HDAC4: variants seen among roughly 807,000 people sequenced by gnomAD.
HDAC4 encodes histone deacetylase A.
A neutral mutation model predicts 135.1 loss-of-function variants in HDAC4; 16 were observed. That is an observed-to-expected ratio of 0.12 (90% CI 0.08 to 0.18). The LOEUF (loss-of-function observed/expected upper bound fraction) is 0.18. HDAC4 is among the 10% of genes least tolerant of loss of function. The pLI is 1.00. For synonymous variants in HDAC4, 685 were observed against 653.4 expected, an observed-to-expected ratio of 1.05 and a Z score of -0.74; for missense variants, 1,143 against 1,511.8, an observed-to-expected ratio of 0.76 and a Z score of 4.05.
At chr2:239,235,148 C>T (rs930185479) in intron 3 of HDAC4, among the ~76,000 whole-genome samples, 7 of 152,124 alleles carry the variant, frequency 4.6e-5, no homozygotes, top group African/African-American at 1.4e-4. Flanking sequence ...AGTAATAATG[C>T]AGAGTAAAAT....
intron 3 of HDAC4, among the ~76,000 whole-genome samples, chr2:239,221,043 G>A (rs2046921984): frequency 6.6e-6 from 1 of 152,172 alleles, no homozygotes; most frequent in Non-Finnish European, 1.5e-5. Context: ...TCATTCTGCG[G>A]GCGGTGGCGT....
chr2:239,076,243 C>G (rs959897103), intron 22 of HDAC4, among the ~76,000 whole-genome samples: 2 of 152,186 alleles, frequency 1.3e-5, no homozygotes, highest in African/African-American at 2.4e-5. Flanking sequence ...CCAGGGGGAA[C>G]AGAGCTGGAC....
Position 239,144,701 on chromosome 2 carries a change from A to G in HDAC4, c.747T>C (p.Asn249=), listed in dbSNP as rs746670558. ...GCTTTAGCCTGGACCGTAATTTCAG[A>G]TTCGGTTCAGAAGCTGCACAAAAAG... ...FPLRKTASEP[N]LKLRSRLKQK... Residue 249 remains asparagine (N), a synonymous_variant, in exon 8 of 27, where the codon AAT becomes AAC. Transcript: ENST00000543185. 1.9e-6 allele frequency: 3 copies of G among 1,614,042 alleles called. No individual in the cohort carries two copies. In the African/African-American group the frequency reaches 4.0e-5, roughly 22 times the overall value.
rs1317769977 is a variant in HDAC4, at chr2:239,180,584, C to CG, written c.340-4022_340-4021insC. Among the ~76,000 whole-genome samples, 6 of 152,334 alleles carry CG rather than the reference C, an allele frequency of 3.9e-5. No homozygotes were observed. The South Asian group carries it at 1.0e-3, about 26-fold the overall frequency. On this transcript the variant is annotated intron_variant, in intron 4 of 26. Transcript: ENST00000543185. ...CTGTGTAATTTTGTAAGGTAAAACT[C>CG]CTCATTCTTCCATTCTGTAAGTAAA...
Position 239,139,914 on chromosome 2 carries a change from G to A in HDAC4, c.866-118C>T. ...CCTGCTCGTTAGCTTGCGACAGGCA[G>A]AAGTCCCAACAAAAAGAACATGGCC... On this transcript the variant is annotated intron_variant, in intron 8 of 26. Coordinates refer to ENST00000543185, the MANE Select transcript of HDAC4 (RefSeq NM_001378414.1). The surrounding 1 kb of genome is among the most constrained non-coding windows in gnomAD (Gnocchi z 5.3). 1 of 726,570 alleles carries A rather than the reference G, an allele frequency of 1.4e-6. No individual in the cohort carries two copies. Among genetic ancestry groups the A allele is most frequent in the Non-Finnish European group, 2.4e-6 (1 of 416,094 alleles). 45.0% of individuals were successfully genotyped at this position (726,570 alleles called of 1,614,324 possible).
At chr2:239,261,707 C>T (rs1023263488) in intron 2 of HDAC4, among the ~76,000 whole-genome samples, 18 of 152,168 alleles carry the variant, frequency 1.2e-4, no homozygotes, top group Admixed American at 1.0e-3. Context: ...CCTAAGAGGG[C>T]CTGGTGAGAT....
At chr2:239,380,120 G>A (rs1575781968) in intron 1 of HDAC4, among the ~76,000 whole-genome samples, 1 of 152,228 alleles carries the variant, frequency 6.6e-6, no homozygotes, top group Non-Finnish European at 1.5e-5. Flanking sequence ...AGCCAAGAGG[G>A]CCCTCATGAG....
intron 12 of HDAC4, among the ~76,000 whole-genome samples, chr2:239,118,372 AGCG>A (rs1428742985): frequency 6.6e-6 from 1 of 152,198 alleles, no homozygotes; most frequent in East Asian, 1.9e-4. Flanking sequence ...GGGTGCAGGC[AGCG>A]TGGGTGTCGG....
chr2:239,259,276 C>T (rs2125069360), intron 2 of HDAC4, among the ~76,000 whole-genome samples: 1 of 152,280 alleles, frequency 6.6e-6, no homozygotes, highest in African/African-American at 2.4e-5. Context: ...AGGTGAAACC[C>T]TGTCTCTACC....
chr2:239,123,841 T>A lies in HDAC4; in HGVS notation c.1533+2615A>T, dbSNP rs1429188330. Among the ~76,000 whole-genome samples, 3 of 152,138 alleles carry A rather than the reference T, an allele frequency of 2.0e-5. No individual in the cohort carries two copies. The East Asian group carries it at 5.8e-4, about 29-fold the overall frequency. On this transcript the variant is annotated intron_variant, in intron 12 of 26. Transcript: ENST00000543185. ...GGCTTTACCTCTGCTCTTGCTGGGA[T>A]CCTGGTATTTCACTTTCCAACTCCT...
intron 1 of HDAC4, among the ~76,000 whole-genome samples, chr2:239,397,820 A>G (rs941567226): frequency 1.3e-5 from 2 of 151,460 alleles, no homozygotes; most frequent in Non-Finnish European, 3.0e-5. Flanking sequence ...TTGACATGGC[A>G]CCCCTCATCT....
chr2:239,091,742 G>A (rs898755217), intron 17 of HDAC4: 1 of 152,100 alleles, frequency 6.6e-6, no homozygotes, highest in Non-Finnish European at 1.5e-5. Context: ...AAGTGTATTC[G>A]GTGATGGTTT....
At chr2:239,110,168 A>G (rs1393684522) in intron 14 of HDAC4, among the ~76,000 whole-genome samples, 1 of 152,240 alleles carries the variant, frequency 6.6e-6, no homozygotes, top group Non-Finnish European at 1.5e-5. Context: ...ATAGATCTGG[A>G]AGGTTTAAAG....
At chr2:239,171,806 T>C (rs1465441021) in intron 5 of HDAC4, among the ~76,000 whole-genome samples, 1 of 152,222 alleles carries the variant, frequency 6.6e-6, no homozygotes, top group African/African-American at 2.4e-5. Flanking sequence ...AGCTCATTTC[T>C]GGAGATTAAC....
At chr2:239,085,665 C>T (rs2035860046) in intron 19 of HDAC4, among the ~76,000 whole-genome samples, 1 of 152,230 alleles carries the variant, frequency 6.6e-6, no homozygotes. Flanking sequence ...GGTAAAGCTA[C>T]AAAGATTCCA....
chr2:239,401,408 A>T (rs1458404059), upstream of HDAC4: 1 of 159,540 alleles, frequency 6.3e-6, no homozygotes, highest in African/African-American at 2.4e-5. Context: ...GTACCAAAAG[A>T]CGCTCCAGGC....
intron 24 of HDAC4, among the ~76,000 whole-genome samples, chr2:239,063,204 T>C (rs2033016029): frequency 6.6e-6 from 1 of 151,764 alleles, no homozygotes; most frequent in Non-Finnish European, 1.5e-5. Context: ...TGCAGTCTTT[T>C]TTTGTTTTTT....
rs74003968 is a variant in HDAC4, at chr2:239,374,886, C to T, written c.-219-21968G>A. Among the ~76,000 whole-genome samples the T allele has an allele frequency of 6.0e-3, 921 of 152,254 alleles. 11 individuals carry two copies. Among genetic ancestry groups the T allele is most frequent in the African/African-American group, 0.021 (885 of 41,544 alleles). ...GCTGCACAGGCCCACCCTGGCGGTA[C>T]GTGAAGGGCAGCGTGCAAATCGGGC... is the stretch of plus-strand genomic sequence containing the variant. On this transcript the variant is annotated intron_variant, in intron 1 of 26. Coordinates refer to ENST00000543185, the MANE Select transcript of HDAC4 (RefSeq NM_001378414.1).
At chr2:239,201,823 T>C (rs2045772632) in intron 3 of HDAC4, among the ~76,000 whole-genome samples, 1 of 152,172 alleles carries the variant, frequency 6.6e-6, no homozygotes, top group Non-Finnish European at 1.5e-5. Context: ...TACTCCACTG[T>C]CTTTTTGTTT....
Sources: gnomAD v4.1 joint callset for allele counts (sites outside exome capture counted in the v4.1 genomes callset) on GRCh38, gnomAD v4.1.1 for gene constraint, Gnocchi (gnomAD v3.1) non-coding constraint, MANE v1.5 for transcripts, NCBI Gene and HGNC (gene_info 2026-07-23, HGNC 2026-07-21) for gene names.